The following IRAK3 variants were observed in gnomAD, a reference collection of about 807,000 sequenced individuals.
IRAK3 encodes the protein interleukin 1 receptor associated kinase 3, also known as interleukin-1 receptor-associated kinase 3.
A neutral mutation model predicts 56.6 loss-of-function variants in IRAK3; 57 were observed. The ratio of observed to expected loss-of-function variants is 1.01; its 90% CI spans 0.81 to 1.26. The LOEUF (loss-of-function observed/expected upper bound fraction) is 1.26, where lower values mean the gene tolerates loss of function less well. IRAK3 is among the 50% of genes most tolerant of loss of function. The pLI, the probability that IRAK3 is intolerant of heterozygous loss-of-function variation, is 0.00. For missense variants in IRAK3, 703 were observed against 719.0 expected (o/e 0.98, Z 0.25); for synonymous variants, 258 against 255.7 (o/e 1.01, Z -0.09).
intron 7 of IRAK3, among the ~76,000 whole-genome samples, chr12:66,227,100 C>A (rs557218853): frequency 1.3e-5 from 2 of 152,270 alleles, no homozygotes; most frequent in South Asian, 2.1e-4. Context: ...CCCAGCAAAT[C>A]TTTTGGCAAC....
intron 1 of IRAK3, among the ~76,000 whole-genome samples, chr12:66,191,504 C>A (rs2052399161): frequency 6.6e-6 from 1 of 152,146 alleles, no homozygotes; most frequent in South Asian, 2.1e-4. Context: ...CATTCTCTCA[C>A]AGGGAAAGGG....
Position 66,235,172 on chromosome 12 carries a change from G to A in IRAK3, c.887+6802G>A. The A allele has an allele frequency of 1.9e-6, 3 of 1,613,746 alleles. No individual in the cohort carries two copies. The South Asian group carries it at 3.3e-5, about 18-fold the overall frequency. ...GCTACTGTTGTTATTACTGCTGGTG[G>A]TGCTGGGACTGGGAGGGGCCATGGG... On this transcript the variant is annotated intron_variant, in intron 8 of 11. Transcript: ENST00000261233.
At chr12:66,238,150 A>G (rs1314860121) in intron 8 of IRAK3, among the ~76,000 whole-genome samples, 1 of 152,148 alleles carries the variant, frequency 6.6e-6, no homozygotes, top group Non-Finnish European at 1.5e-5. Flanking sequence ...AGCAGGGGAG[A>G]GTATTTTCAA....
chr12:66,248,117 C>G lies in IRAK3; in HGVS notation c.1737C>G (p.Ser579Arg), dbSNP rs764965386. Residue 579 changes from serine (S) to arginine (R), a missense_variant, in exon 12 of 12, where the codon AGC (serine) becomes AGG (arginine). Ser to Arg is a moderately radical substitution (Grantham distance 110). Coordinates refer to ENST00000261233, the MANE Select transcript of IRAK3 (RefSeq NM_007199.3). ...CTTGCAGGAGCAGGCCAGTGGAGAG[C>G]AGCTGTTCCTCCAAATTTTCCTGGG... is the stretch of plus-strand genomic sequence containing the variant. The part of the protein sequence containing the change: ...GHSCRSRPVE[S>R]SCSSKFSWDE... The G allele has an allele frequency of 3.4e-5, 54 of 1,611,334 alleles. 1 individual carries two copies. The Admixed American group carries it at 8.7e-4, about 26-fold the overall frequency.
intron 1 of IRAK3, among the ~76,000 whole-genome samples, chr12:66,191,100 G>GC (rs2052394775): frequency 6.6e-6 from 1 of 152,102 alleles, no homozygotes; most frequent in Non-Finnish European, 1.5e-5. Context: ...AAAGCAGACA[G>GC]AGGATGGAGG....
rs779770705 is a variant in IRAK3 at position 66,217,184 on chromosome 12, A to T, written c.602A>T (p.Gln201Leu). ...CTGTATATGTAGGAGAAAAAAATGC[A>T]GTGTAAGAAGCATTGGAAGAGGTTT... ...VKLFKQEKKM[Q>L]CKKHWKRFLS... is the part of the protein sequence containing the mutation. The change falls in exon 6 of 12, where the codon CAG (glutamine) becomes CTG (leucine). Residue 201 changes from glutamine (Q) to leucine (L), a missense_variant. By Grantham distance (113) the Gln-to-Leu change is moderately radical. Coordinates refer to ENST00000261233, the MANE Select transcript of IRAK3 (RefSeq NM_007199.3). 1 of 1,608,796 alleles carries T rather than the reference A, an allele frequency of 6.2e-7. No homozygotes were observed.
At chr12:66,198,063 T>C (rs191746617) in intron 1 of IRAK3, 20 of 985,090 alleles carry the variant, frequency 2.0e-5, no homozygotes, top group Non-Finnish European at 2.3e-5. Flanking sequence ...CTAGAACATG[T>C]TTATACCTTT....
intron 6 of IRAK3, among the ~76,000 whole-genome samples, chr12:66,226,041 C>T (rs1332721311): frequency 6.6e-6 from 1 of 152,120 alleles, no homozygotes; most frequent in Non-Finnish European, 1.5e-5. Context: ...ACTGTTTTTA[C>T]TTAATAAGTC....
At chr12:66,230,823 G>A (rs2052837108) in intron 8 of IRAK3, among the ~76,000 whole-genome samples, 1 of 152,114 alleles carries the variant, frequency 6.6e-6, no homozygotes, top group Non-Finnish European at 1.5e-5. Context: ...TCACATGTTT[G>A]CTCCCCACCC....
intron 2 of IRAK3, 38 bp downstream of exon 2, chr12:66,203,931 A>G (rs758376234): frequency 6.6e-7 from 1 of 1,506,804 alleles, no homozygotes; most frequent in Non-Finnish European, 9.2e-7. Context: ...CTTAATCTGT[A>G]ATAGGAACTG....
intron 1 of IRAK3, chr12:66,196,813 A>T: frequency 7.1e-7 from 1 of 1,413,806 alleles, no homozygotes; most frequent in Non-Finnish European, 9.2e-7. Flanking sequence ...AAGTTCTTTT[A>T]AAAAATTGTC....
At chr12:66,202,100 G>T (rs1033330020) in intron 1 of IRAK3, among the ~76,000 whole-genome samples, 3 of 152,178 alleles carry the variant, frequency 2.0e-5, no homozygotes, top group Non-Finnish European at 4.4e-5. Flanking sequence ...TAATATTACT[G>T]TTCAAGAATA....
chr12:66,208,932 T>C (rs980116634), intron 2 of IRAK3, among the ~76,000 whole-genome samples: 1 of 151,880 alleles, frequency 6.6e-6, no homozygotes, highest in Non-Finnish European at 1.5e-5. Flanking sequence ...CCAGGCATGC[T>C]GATAGGTGCC....
chr12:66,215,788 A>ACGTGCGCGCG (rs375264640), intron 5 of IRAK3, among the ~76,000 whole-genome samples: 1 of 131,612 alleles, frequency 7.6e-6, no homozygotes, highest in African/African-American at 2.8e-5. Flanking sequence ...CCCAACATGC[A>ACGTGCGCGCG]CACACACACA....
chr12:66,225,719 G>A (rs951448014), intron 6 of IRAK3, among the ~76,000 whole-genome samples: 1 of 151,480 alleles, frequency 6.6e-6, no homozygotes, highest in East Asian at 1.9e-4. Flanking sequence ...TAGAGTTTTT[G>A]TTAATAAGCT....
Position 66,189,407 on chromosome 12 carries a change from CGGCGCGCTGGGCT to C in IRAK3, c.115_127del (p.Leu39AlafsTer20), listed in dbSNP as rs906469184. The C allele has an allele frequency of 2.8e-6, 4 of 1,443,932 alleles. No homozygotes were observed. The African/African-American group carries it at 5.9e-5, about 21-fold the overall frequency. 89.4% of individuals were successfully genotyped at this position (1,443,932 alleles called of 1,614,324 possible). A position where few individuals can be genotyped will look rare whatever the true frequency, so the allele number is the denominator to read the frequency against. On this transcript the variant is annotated frameshift_variant, in exon 1 of 12. Transcript: ENST00000261233. LOFTEE classifies it high-confidence loss of function. The stretch of plus-strand genomic sequence containing the variant: ...TCTGCGCTGTTCTGGACAGCTGCGA[CGGCGCGCTGGGCT>C]GGCGCGGCCTGGGTGAGTCGGCGGG...
intron 2 of IRAK3, among the ~76,000 whole-genome samples, chr12:66,208,399 A>G (rs573414542): frequency 6.6e-6 from 1 of 152,138 alleles, no homozygotes; most frequent in Admixed American, 6.5e-5. Context: ...AAGATGATAT[A>G]AAAAAATAAA....
At position 66,247,878 on chromosome 12, in the gene IRAK3, AGAATGACT is replaced by A; in HGVS notation, c.1499_1506del (p.Arg500ThrfsTer6). ...TTCTGATGAAGGCCTGAGGATAGACAGAATGACTCAGAAAACTCCTTTTGAATGCAGCC... is the reference window on the plus strand; with the variant it reads ...TTCTGATGAAGGCCTGAGGATAGACACAGAAAACTCCTTTTGAATGCAGCC... On this transcript the variant is annotated frameshift_variant, in exon 12 of 12. Transcript: ENST00000261233. LOFTEE classifies it low-confidence loss of function (END_TRUNC). The A allele has an allele frequency of 6.2e-7, 1 of 1,614,248 alleles. No homozygotes were observed. The highest frequency in any genetic ancestry group is 8.5e-7 in the Non-Finnish European group (1 of 1,180,042).
intron 4 of IRAK3, 138 bp downstream of exon 4, chr12:66,210,339 A>G (rs2136924155): frequency 4.7e-6 from 3 of 631,866 alleles, no homozygotes; most frequent in Non-Finnish European, 8.5e-6. Context: ...AGATATTAAA[A>G]TAACTTCAAT....
Sources: allele counts gnomAD v4.1 joint callset (sites outside exome capture counted in the v4.1 genomes callset), GRCh38; gene constraint gnomAD v4.1.1; transcripts MANE v1.5; gene names NCBI Gene and HGNC (gene_info 2026-07-23, HGNC 2026-07-21).